The following CRACR2A variants were observed in gnomAD, a reference collection of about 807,000 sequenced individuals.
CRACR2A encodes calcium release activated channel regulator 2A.
A neutral mutation model predicts 90.5 loss-of-function variants in CRACR2A; 79 were observed. The observed-to-expected ratio is 0.87, with a 90% confidence interval of 0.73 to 1.05. CRACR2A has a LOEUF of 1.05. CRACR2A is among the 50% of genes least tolerant of loss of function. The pLI is 0.00. For missense variants in CRACR2A, 823 were observed against 897.2 expected (o/e 0.92, Z 1.06); for synonymous variants, 338 against 356.7 (o/e 0.95, Z 0.59).
chr12:3,623,491 C>T lies in CRACR2A; in HGVS notation c.1932+3945G>A, dbSNP rs181382926. Among the ~76,000 whole-genome samples, 352 of 152,254 alleles carry T rather than the reference C, an allele frequency of 2.3e-3. 3 individuals are homozygous for T. Among genetic ancestry groups the T allele is most frequent in the African/African-American group, 8.0e-3 (333 of 41,534 alleles). On this transcript the variant is annotated intron_variant, in intron 17 of 19. Transcript: ENST00000440314. ...GCCCATACAGGCTTGTACAGGCTGGCGTTCTAATTTCTATTTTCTCTACCC... is the reference window on the plus strand; with the variant it reads ...GCCCATACAGGCTTGTACAGGCTGGTGTTCTAATTTCTATTTTCTCTACCC...
chr12:3,637,314 A>G (rs1944472077), intron 14 of CRACR2A, among the ~76,000 whole-genome samples: 1 of 152,248 alleles, frequency 6.6e-6, no homozygotes, highest in East Asian at 1.9e-4. Flanking sequence ...AGGAAATTGT[A>G]TGCGAGGAGC....
Position 3,678,934 on chromosome 12 carries a change from C to G in CRACR2A, c.505G>C (p.Ala169Pro). Residue 169 changes from alanine (A) to proline (P), a missense_variant, in exon 6 of 20, where the codon GCC becomes CCC. Coordinates refer to ENST00000440314, the MANE Select transcript of CRACR2A (RefSeq NM_001144958.2). ...ACTTACTCTTCCAACACCTTTTGGG[C>G]TCCAAGTCTGTCCATCAGCATCCGG... is the stretch of plus-strand genomic sequence containing the variant. ...QFRMLMDRLG[A>P]QKVLEDESDV... 1 of 1,610,030 alleles carries G rather than the reference C, an allele frequency of 6.2e-7. No individual in the cohort carries two copies. Among genetic ancestry groups the G allele is most frequent in the Non-Finnish European group, 8.5e-7 (1 of 1,178,442 alleles).
chr12:3,618,597 C>T (rs993052693), intron 18 of CRACR2A, among the ~76,000 whole-genome samples: 4 of 152,166 alleles, frequency 2.6e-5, no homozygotes, highest in South Asian at 4.1e-4. Flanking sequence ...ACTCATGAAA[C>T]GCTGTTTAGG....
chr12:3,721,262 G>A (rs923758961), intron 2 of CRACR2A, among the ~76,000 whole-genome samples: 3 of 151,726 alleles, frequency 2.0e-5, no homozygotes, highest in Non-Finnish European at 4.4e-5. Flanking sequence ...GGCCAGCCAT[G>A]ATGACTCACA....
intron 14 of CRACR2A, among the ~76,000 whole-genome samples, chr12:3,636,901 T>C (rs1015304121): frequency 6.6e-6 from 1 of 152,186 alleles, no homozygotes; most frequent in Non-Finnish European, 1.5e-5. Context: ...TGGGAAAAGT[T>C]CAAGGCGGCA....
intron 3 of CRACR2A, among the ~76,000 whole-genome samples, chr12:3,702,376 G>A (rs961706560): frequency 6.6e-6 from 1 of 152,100 alleles, no homozygotes; most frequent in African/African-American, 2.4e-5. Flanking sequence ...TTTATTCCCA[G>A]ACAGCAGGAG....
Position 3,739,707 on chromosome 12 carries a change from G to A in CRACR2A, c.-386-6497C>T, listed in dbSNP as rs375835257. ...TCCCAGCACTTTGGGAGGCCGAGGC[G>A]GGTGGATCATGAAGTCAGGAGATTG... On this transcript the variant is annotated intron_variant, in intron 1 of 19. Transcript: ENST00000440314. 1.6e-3 allele frequency among the ~76,000 whole-genome samples: 249 copies of A among 152,190 alleles called. 1 individual carries two copies. Among genetic ancestry groups the A allele is most frequent in the African/African-American group, 5.5e-3 (229 of 41,520 alleles).
intron 4 of CRACR2A, among the ~76,000 whole-genome samples, chr12:3,690,509 C>T (rs377093235): frequency 3.3e-5 from 5 of 152,174 alleles, no homozygotes; most frequent in African/African-American, 1.2e-4. Context: ...TCCGATTGTG[C>T]TGTGGTCTGA....
chr12:3,668,713 A>T (rs1276656489), intron 7 of CRACR2A, among the ~76,000 whole-genome samples: 1 of 152,200 alleles, frequency 6.6e-6, no homozygotes, highest in East Asian at 1.9e-4. Flanking sequence ...AGGCCATCAT[A>T]GCTGGGGCTG....
intron 3 of CRACR2A, among the ~76,000 whole-genome samples, chr12:3,699,344 G>T (rs771882248): frequency 1.3e-5 from 2 of 152,124 alleles, no homozygotes; most frequent in Non-Finnish European, 2.9e-5. Flanking sequence ...CATGCAGCAA[G>T]CTCTGAGCTA....
intron 1 of CRACR2A, among the ~76,000 whole-genome samples, chr12:3,735,151 T>C (rs1946430926): frequency 6.6e-6 from 1 of 152,190 alleles, no homozygotes; most frequent in Non-Finnish European, 1.5e-5. Flanking sequence ...CACATATATA[T>C]CAAATCATCA....
chr12:3,707,517 G>A (rs1304314373), intron 3 of CRACR2A, among the ~76,000 whole-genome samples: 1 of 152,204 alleles, frequency 6.6e-6, no homozygotes, highest in Non-Finnish European at 1.5e-5. Context: ...GCCCTATTAT[G>A]ATTAGCTTTC....
At chr12:3,749,795 TTGTGTGTGTGTGTGTGTGTGTGTG>T (rs200387314) in intron 1 of CRACR2A, among the ~76,000 whole-genome samples, 18 of 144,670 alleles carry the variant, frequency 1.2e-4, no homozygotes, top group Admixed American at 3.4e-4. Context: ...TGCTGTTTCT[TTGTGTGTGTGTGTGTGTGTGTGTG>T]TGTGTGTGTG....
At chr12:3,737,552 T>C (rs1946465128) in intron 1 of CRACR2A, among the ~76,000 whole-genome samples, 1 of 152,148 alleles carries the variant, frequency 6.6e-6, no homozygotes, top group South Asian at 2.1e-4. Context: ...ACATGGAGGC[T>C]GGTTGGGGGA....
chr12:3,748,046 G>A (rs1946651658), intron 1 of CRACR2A, among the ~76,000 whole-genome samples: 1 of 152,100 alleles, frequency 6.6e-6, no homozygotes, highest in African/African-American at 2.4e-5. Flanking sequence ...GCACCCAGAA[G>A]GGCACAGAGT....
At chr12:3,651,203 T>G (rs1944788110) in intron 10 of CRACR2A, among the ~76,000 whole-genome samples, 1 of 152,230 alleles carries the variant, frequency 6.6e-6, no homozygotes, top group South Asian at 2.1e-4. Flanking sequence ...TACTGTCAAG[T>G]GAAAAATGCA....
At chr12:3,653,093 C>T (rs1944824188) in intron 10 of CRACR2A, among the ~76,000 whole-genome samples, 1 of 152,114 alleles carries the variant, frequency 6.6e-6, no homozygotes. Flanking sequence ...AGCCATTCTC[C>T]TGCCTCAGCC....
intron 4 of CRACR2A, among the ~76,000 whole-genome samples, chr12:3,685,606 T>C (rs1276287992): frequency 2.6e-5 from 4 of 152,224 alleles, no homozygotes; most frequent in African/African-American, 9.6e-5. Context: ...GAGGACATTA[T>C]ACTAAGTGAA....
Position 3,629,614 on chromosome 12 carries a change from G to A in CRACR2A, c.1736-1908C>T, listed in dbSNP as rs1944342181. On this transcript the variant is annotated intron_variant, in intron 15 of 19. Transcript: ENST00000440314. The stretch of plus-strand genomic sequence containing the variant: ...GGCAGGGAGTTTGCTGGGGCAGCTG[G>A]GTCCTGGCTGCCCTCAGCTCCTGGT... 2.0e-5 allele frequency among the ~76,000 whole-genome samples: 3 copies of A among 152,230 alleles called. No individual in the cohort carries two copies. In the South Asian group the frequency reaches 6.2e-4, roughly 32 times the overall value.
Sources: allele counts gnomAD v4.1 joint callset (sites outside exome capture counted in the v4.1 genomes callset), GRCh38; gene constraint gnomAD v4.1.1; transcripts MANE v1.5; gene names NCBI Gene and HGNC (gene_info 2026-07-23, HGNC 2026-07-21).